The following LRRTM4 variants were observed in gnomAD, a reference collection of about 807,000 sequenced individuals.
The protein encoded by LRRTM4 is leucine-rich repeat transmembrane neuronal protein 4.
A neutral mutation model predicts 47.6 loss-of-function variants in LRRTM4; 25 were observed. The observed-to-expected ratio is 0.53, with a 90% CI of 0.38 to 0.73. The LOEUF (loss-of-function observed/expected upper bound fraction) is 0.73, where lower values mean the gene tolerates loss of function less well. LRRTM4 is among the 30% of genes least tolerant of loss of function. The probability of loss-of-function intolerance (pLI) is 0.00; values close to 1 mark genes in which losing one functional copy is unlikely to be tolerated. For missense variants in LRRTM4, 638 were observed against 713.4 expected, an observed-to-expected ratio of 0.89 and a Z score of 1.20; for synonymous variants, 311 against 269.5, an observed-to-expected ratio of 1.15 and a Z score of -1.51.
intron 3 of LRRTM4, among the ~76,000 whole-genome samples, chr2:77,467,679 C>A (rs1046652894): frequency 5.3e-5 from 8 of 152,058 alleles, no homozygotes; most frequent in African/African-American, 1.9e-4. Context: ...TGAGTTCATA[C>A]GTAATGTTAA....
At chr2:77,151,864 T>G (rs1672440039) in intron 3 of LRRTM4, among the ~76,000 whole-genome samples, 1 of 152,200 alleles carries the variant, frequency 6.6e-6, no homozygotes, top group Non-Finnish European at 1.5e-5. Flanking sequence ...TACTTTCTTA[T>G]TTTCATGTCC....
chr2:77,217,853 A>G (rs1254830314), intron 3 of LRRTM4, among the ~76,000 whole-genome samples: 1 of 152,212 alleles, frequency 6.6e-6, no homozygotes, highest in Admixed American at 6.5e-5. Flanking sequence ...CTTGATTCCA[A>G]AATAAACACA....
At chr2:76,997,977 C>T (rs1026446114) in intron 3 of LRRTM4, among the ~76,000 whole-genome samples, 1 of 151,930 alleles carries the variant, frequency 6.6e-6, no homozygotes, top group Non-Finnish European at 1.5e-5. Context: ...CCCATCACCC[C>T]AAGATGGGAC....
intron 3 of LRRTM4, among the ~76,000 whole-genome samples, chr2:76,836,029 AT>A (rs1558684274): frequency 1.3e-5 from 2 of 151,974 alleles, no homozygotes; most frequent in African/African-American, 4.8e-5. Context: ...AGAAGAGTAT[AT>A]GTCACAATGT....
At chr2:77,082,819 GAC>G (rs1486668846) in intron 3 of LRRTM4, among the ~76,000 whole-genome samples, 9 of 151,910 alleles carry the variant, frequency 5.9e-5, no homozygotes, top group Non-Finnish European at 1.3e-4. Context: ...TTTAAAAAAA[GAC>G]ACATCTGCCT....
intron 3 of LRRTM4, among the ~76,000 whole-genome samples, chr2:77,098,412 G>C (rs1670866346): frequency 6.6e-6 from 1 of 151,890 alleles, no homozygotes; most frequent in South Asian, 2.1e-4. Flanking sequence ...GGACAAGATG[G>C]GCTCTTCAAG....
chr2:76,938,552 T>G (rs75944036), intron 3 of LRRTM4, among the ~76,000 whole-genome samples: 1 of 152,254 alleles, frequency 6.6e-6, no homozygotes, highest in African/African-American at 2.4e-5. Context: ...TTTGCATATA[T>G]GAATTAATGA....
chr2:76,994,222 A>G (rs944698285), intron 3 of LRRTM4, among the ~76,000 whole-genome samples: 2 of 151,996 alleles, frequency 1.3e-5, no homozygotes, highest in African/African-American at 4.8e-5. Flanking sequence ...CATACAATAT[A>G]CACACGTAAC....
chr2:77,048,752 ATTGT>A (rs1195483785), intron 3 of LRRTM4, among the ~76,000 whole-genome samples: 2 of 151,760 alleles, frequency 1.3e-5, no homozygotes, highest in Non-Finnish European at 2.9e-5. Context: ...CATCTCATTT[ATTGT>A]TTCTTTGTGT....
At chr2:77,092,943 G>A (rs890150298) in intron 3 of LRRTM4, among the ~76,000 whole-genome samples, 1 of 148,134 alleles carries the variant, frequency 6.8e-6, no homozygotes, top group African/African-American at 2.6e-5. Flanking sequence ...AACTTAAAAA[G>A]GACTGGACAA....
At chr2:77,334,416 G>A (rs1318211755) in intron 3 of LRRTM4, among the ~76,000 whole-genome samples, 2 of 152,168 alleles carry the variant, frequency 1.3e-5, no homozygotes, top group Non-Finnish European at 2.9e-5. Flanking sequence ...TAGGCCAGAA[G>A]TGATTGAATT....
chr2:76,941,549 GTGAGAACATGCGAT>G (rs2103861940), intron 3 of LRRTM4, among the ~76,000 whole-genome samples: 1 of 151,682 alleles, frequency 6.6e-6, no homozygotes, highest in African/African-American at 2.4e-5. Context: ...CCACTTATGA[GTGAGAACATGCGAT>G]TTTTGGTTTT....
At chr2:76,964,664 C>T (rs1675965556) in intron 3 of LRRTM4, among the ~76,000 whole-genome samples, 3 of 149,550 alleles carry the variant, frequency 2.0e-5, no homozygotes, top group Admixed American at 2.0e-4. Context: ...ATCTAATCTT[C>T]CTTACTTTAG....
intron 3 of LRRTM4, among the ~76,000 whole-genome samples, chr2:77,010,842 A>G (rs1256778358): frequency 6.6e-6 from 1 of 152,128 alleles, no homozygotes; most frequent in Non-Finnish European, 1.5e-5. Context: ...ATCCACAGAC[A>G]ATGTTCTGAG....
At chr2:77,352,137 T>G (rs764146783) in intron 3 of LRRTM4, among the ~76,000 whole-genome samples, 2 of 152,190 alleles carry the variant, frequency 1.3e-5, no homozygotes, top group African/African-American at 4.8e-5. Flanking sequence ...TCTTTTCTTC[T>G]GCTTAGCATT....
chr2:77,008,336 A>T (rs889094220), intron 3 of LRRTM4, among the ~76,000 whole-genome samples: 2 of 152,126 alleles, frequency 1.3e-5, no homozygotes, highest in Non-Finnish European at 2.9e-5. Flanking sequence ...TGTAATATGT[A>T]TTTTTTTAAA....
At chr2:77,497,244 T>G (rs979181346) in intron 3 of LRRTM4, among the ~76,000 whole-genome samples, 5 of 151,720 alleles carry the variant, frequency 3.3e-5, no homozygotes, top group Non-Finnish European at 7.4e-5. Flanking sequence ...TCTTAAAGAA[T>G]CAGCTTTTAG....
rs921671177 is a variant in LRRTM4 at position 77,002,877 on chromosome 2, C to T, written c.1552-253961G>A. Among the ~76,000 whole-genome samples the T allele has an allele frequency of 1.2e-4, 19 of 152,184 alleles. 1 individual carries two copies. Among genetic ancestry groups the T allele is most frequent in the East Asian group, 7.7e-4 (4 of 5,176 alleles). On this transcript the variant is annotated intron_variant, in intron 3 of 3. Transcript: ENST00000409884. ...TGTCCTGTTCTATTTATTGAGCTTA[C>T]GTTTTGGAGTACTTAATAATATTTT... is the stretch of plus-strand genomic sequence containing the variant.
chr2:77,175,867 C>A (rs1673181903), intron 3 of LRRTM4, among the ~76,000 whole-genome samples: 1 of 152,082 alleles, frequency 6.6e-6, no homozygotes, highest in Non-Finnish European at 1.5e-5. Context: ...CCATGTTGGC[C>A]AGGCTGGTCT....
Sources: gnomAD v4.1 joint callset for allele counts (sites outside exome capture counted in the v4.1 genomes callset) on GRCh38, gnomAD v4.1.1 for gene constraint, MANE v1.5 for transcripts, NCBI Gene and HGNC (gene_info 2026-07-23, HGNC 2026-07-21) for gene names.